NRXN1: variants seen among roughly 807,000 people sequenced by gnomAD.
The protein encoded by NRXN1 is neurexin-1.
In NRXN1, 39 loss-of-function variants were observed where a neutral mutation model predicts 150.9. The ratio of observed to expected loss-of-function variants is 0.26; its 90% CI spans 0.20 to 0.34. The LOEUF is 0.34. Among genes scored for constraint, NRXN1 ranks in the 10% least tolerant of loss-of-function variants. The probability of loss-of-function intolerance (pLI) is 1.00; values close to 1 mark genes in which losing one functional copy is unlikely to be tolerated. For synonymous variants in NRXN1, 924 were observed against 757.0 expected (o/e 1.22, Z -3.62); for missense variants, 1,815 against 1,949.9 (o/e 0.93, Z 1.30).
chr2:50,755,428 CAGAA>C (rs981164804), intron 5 of NRXN1, among the ~76,000 whole-genome samples: 6 of 151,696 alleles, frequency 4.0e-5, no homozygotes, highest in Non-Finnish European at 7.4e-5. Flanking sequence ...AACACAAAAC[CAGAA>C]AGCTTCATTT....
intron 5 of NRXN1, among the ~76,000 whole-genome samples, chr2:50,635,632 C>A (rs962513746): frequency 6.6e-6 from 1 of 152,174 alleles, no homozygotes; most frequent in African/African-American, 2.4e-5. Context: ...ACAGGCTCTA[C>A]ATGTGATTCT....
intron 8 of NRXN1, among the ~76,000 whole-genome samples, chr2:50,612,366 C>T (rs113143434): frequency 8.5e-5 from 13 of 152,228 alleles, no homozygotes; most frequent in African/African-American, 3.1e-4. Flanking sequence ...CAGAAATCCA[C>T]CAAAAACTTG....
chr2:49,930,394 C>T (rs1669919491), intron 22 of NRXN1, among the ~76,000 whole-genome samples: 1 of 152,008 alleles, frequency 6.6e-6, no homozygotes, highest in Non-Finnish European at 1.5e-5. Context: ...TGTGTGTCAA[C>T]TGATAGGAAA....
intron 5 of NRXN1, among the ~76,000 whole-genome samples, chr2:50,727,864 C>G (rs553067657): frequency 5.3e-5 from 8 of 152,014 alleles, no homozygotes; most frequent in Non-Finnish European, 1.0e-4. Context: ...TTGAGTTGGG[C>G]TGAAATCCTC....
At chr2:50,197,612 C>G (rs1053604209) in intron 18 of NRXN1, among the ~76,000 whole-genome samples, 4 of 151,898 alleles carry the variant, frequency 2.6e-5, no homozygotes, top group South Asian at 2.1e-4. Context: ...TATTTTTATC[C>G]TTGATAACTT....
chr2:50,837,903 T>A (rs1672335952), intron 5 of NRXN1, among the ~76,000 whole-genome samples: 1 of 152,140 alleles, frequency 6.6e-6, no homozygotes, highest in African/African-American at 2.4e-5. Context: ...TACTTAAATA[T>A]GAATCCACAG....
chr2:50,660,925 T>C (rs1687207659), intron 5 of NRXN1, among the ~76,000 whole-genome samples: 1 of 152,046 alleles, frequency 6.6e-6, no homozygotes, highest in East Asian at 1.9e-4. Context: ...CACAATCTTA[T>C]TGTATGTGTA....
chr2:50,480,698 G>C (rs867198859), intron 15 of NRXN1, among the ~76,000 whole-genome samples: 1 of 152,098 alleles, frequency 6.6e-6, no homozygotes, highest in Admixed American at 6.5e-5. Context: ...CTAGTTTGTA[G>C]CTTCTATTTC....
At chr2:50,789,368 C>T (rs1248666820) in intron 5 of NRXN1, among the ~76,000 whole-genome samples, 1 of 152,152 alleles carries the variant, frequency 6.6e-6, no homozygotes, top group Non-Finnish European at 1.5e-5. Context: ...CTTTCAAGCA[C>T]AATGTAAAGA....
chr2:50,173,981 T>A (rs975908559), intron 18 of NRXN1, among the ~76,000 whole-genome samples: 1 of 152,106 alleles, frequency 6.6e-6, no homozygotes, highest in Non-Finnish European at 1.5e-5. Flanking sequence ...TTTCTTCAGA[T>A]GATGGATCCT....
chr2:50,990,845 G>C (rs1698437494), intron 2 of NRXN1, among the ~76,000 whole-genome samples: 1 of 152,128 alleles, frequency 6.6e-6, no homozygotes, highest in South Asian at 2.1e-4. Context: ...CCCAGGTGGA[G>C]ACCTCGCCAT....
intron 18 of NRXN1, among the ~76,000 whole-genome samples, chr2:50,220,757 C>G (rs903247605): frequency 2.6e-5 from 4 of 151,866 alleles, no homozygotes; most frequent in African/African-American, 9.7e-5. Flanking sequence ...TTTTTCCAGA[C>G]ACAAGCAATT....
chr2:50,561,931 A>C (rs1669146692), intron 8 of NRXN1, among the ~76,000 whole-genome samples: 1 of 152,194 alleles, frequency 6.6e-6, no homozygotes, highest in African/African-American at 2.4e-5. Flanking sequence ...ATCTCACCAT[A>C]ACTTGGGGTT....
intron 2 of NRXN1, among the ~76,000 whole-genome samples, chr2:50,976,607 G>A (rs564114800): frequency 2.0e-5 from 3 of 152,048 alleles, no homozygotes; most frequent in South Asian, 2.1e-4. Flanking sequence ...AGTAGTTAAT[G>A]TCTATATTAA....
chr2:50,013,308 C>T (rs1438742200), intron 21 of NRXN1, among the ~76,000 whole-genome samples: 3 of 115,210 alleles, frequency 2.6e-5, no homozygotes, highest in Non-Finnish European at 5.1e-5. Flanking sequence ...TGTAAAATAA[C>T]CAAGATCTAT....
rs149217677 is a variant in NRXN1, at chr2:50,572,006, AGTAGAT to A, written c.1321-18987_1321-18982del. The stretch of plus-strand genomic sequence containing the variant: ...GGTACTCTATCAGTCAAGGCCTAGG[AGTAGAT>A]GTGGTAATTGCAGAAGGGAGTTATA... On this transcript the variant is annotated intron_variant, in intron 8 of 22. Transcript: ENST00000401669. Among the ~76,000 whole-genome samples the A allele has an allele frequency of 6.7e-3, 1,023 of 152,202 alleles. 14 individuals are homozygous for A. Among genetic ancestry groups the A allele is most frequent in the African/African-American group, 0.023 (945 of 41,524 alleles).
chr2:50,009,116 A>G (rs1411962303), intron 21 of NRXN1, among the ~76,000 whole-genome samples: 1 of 152,164 alleles, frequency 6.6e-6, no homozygotes. Flanking sequence ...GAGCATTTTT[A>G]CAATCTTTGT....
chr2:50,985,690 A>C (rs1697583698), intron 2 of NRXN1, among the ~76,000 whole-genome samples: 1 of 151,866 alleles, frequency 6.6e-6, no homozygotes, highest in Non-Finnish European at 1.5e-5. Flanking sequence ...CAAAAATGTT[A>C]ATTGAAAATA....
At chr2:50,981,380 C>T (rs567919152) in intron 2 of NRXN1, among the ~76,000 whole-genome samples, 33 of 138,016 alleles carry the variant, frequency 2.4e-4, no homozygotes, top group African/African-American at 8.1e-4. Flanking sequence ...GTTACTTGAA[C>T]GCAGGAGGCA....
Sources: gnomAD v4.1 joint callset for allele counts (sites outside exome capture counted in the v4.1 genomes callset) on GRCh38, gnomAD v4.1.1 for gene constraint, MANE v1.5 for transcripts, NCBI Gene and HGNC (gene_info 2026-07-23, HGNC 2026-07-21) for gene names.